CEP170B: variants seen among roughly 807,000 people sequenced by gnomAD.
CEP170B encodes the protein centrosomal protein 170B.
In CEP170B, 55 loss-of-function variants were observed where a neutral mutation model predicts 120.6. The ratio of observed to expected loss-of-function variants is 0.46; its 90% confidence interval spans 0.37 to 0.57. The LOEUF (loss-of-function observed/expected upper bound fraction) is 0.57. CEP170B is among the 20% of genes least tolerant of loss of function. CEP170B has a pLI of 0.00. For missense variants in CEP170B, 2,212 were observed against 2,253.3 expected (o/e 0.98, Z 0.37); for synonymous variants, 1,033 against 954.5 (o/e 1.08, Z -1.52).
intron 13 of CEP170B, 74 bp downstream of exon 13, chr14:104,889,832 G>A: frequency 2.0e-6 from 3 of 1,504,468 alleles, no homozygotes; most frequent in Non-Finnish European, 2.7e-6. Flanking sequence ...TGAGGGCAGG[G>A]ACCAGGCTGG....
At chr14:104,882,160 C>G (rs1386255449) in intron 6 of CEP170B, among the ~76,000 whole-genome samples, 1 of 152,162 alleles carries the variant, frequency 6.6e-6, no homozygotes, top group African/African-American at 2.4e-5. Context: ...GAGTGAGATT[C>G]TATCTGAAAT....
Position 104,895,120 on chromosome 14 carries a change from TC to T in CEP170B, c.*165del. On this transcript the variant is annotated 3_prime_UTR_variant, in exon 19 of 19. Coordinates refer to ENST00000414716, the MANE Select transcript of CEP170B (RefSeq NM_001112726.3). ...CCCACGCCCTTGCCCCCTCGTCAGC[TC>T]CCAGCCAGCACCCTACTCACCCTGT... The T allele has an allele frequency of 1.3e-6, 1 of 762,308 alleles. No individual in the cohort carries two copies. Among genetic ancestry groups the T allele is most frequent in the Non-Finnish European group, 2.0e-6 (1 of 497,830 alleles). The allele number at this position is 762,308 out of a possible 1,614,324, so 47.2% of individuals were successfully genotyped here.
chr14:104,890,771 GGATGAGTGGGTA>G, intron 13 of CEP170B, among the ~76,000 whole-genome samples: 1 of 138,796 alleles, frequency 7.2e-6, no homozygotes, highest in African/African-American at 2.7e-5. Context: ...GTGGATGGAT[GGATGAGTGGGTA>G]GATGGATGGA....
chr14:104,892,792 G>A (rs1404657424), intron 13 of CEP170B, among the ~76,000 whole-genome samples, 184 bp from the exon 14 acceptor site: 2 of 152,254 alleles, frequency 1.3e-5, no homozygotes, highest in East Asian at 1.9e-4. Flanking sequence ...CTTTGGGGCC[G>A]TGGCCAGTGC....
intron 2 of CEP170B, 100 bp from the exon 3 acceptor site, chr14:104,876,156 G>T: frequency 7.3e-6 from 8 of 1,092,154 alleles, no homozygotes; most frequent in Non-Finnish European, 1.1e-5. Context: ...GGCCACTGCT[G>T]GTGTTGTGCT....
chr14:104,864,824 G>A (rs895741788), upstream of CEP170B, among the ~76,000 whole-genome samples: 6 of 152,188 alleles, frequency 3.9e-5, no homozygotes, highest in Non-Finnish European at 7.3e-5. The surrounding 1 kb of genome is among the most constrained non-coding windows in gnomAD (Gnocchi z 5.9). Context: ...GCCAAAGGTT[G>A]GGGACTCGAG....
chr14:104,881,515 C>T (rs1896155715), intron 6 of CEP170B, among the ~76,000 whole-genome samples: 1 of 152,198 alleles, frequency 6.6e-6, no homozygotes, highest in South Asian at 2.1e-4. Flanking sequence ...GAATGGAAGA[C>T]CGCTGGGGAC....
chr14:104,887,768 G>T lies in CEP170B; in HGVS notation c.3529G>T (p.Ala1177Ser). The T allele has an allele frequency of 1.3e-6, 2 of 1,580,300 alleles. No individual in the cohort carries two copies. Among genetic ancestry groups the T allele is most frequent in the Non-Finnish European group, 8.6e-7 (1 of 1,164,700 alleles). Reference sequence around the variant, plus strand: ...CATCCTGGCCATGCCCCGGAAGCGGGCCGGCTCCTTCACAGGGACTAGTGA... The same window carrying T: ...CATCCTGGCCATGCCCCGGAAGCGGTCCGGCTCCTTCACAGGGACTAGTGA... The part of the protein sequence containing the change: ...LDILAMPRKR[A>S]GSFTGTSDPE... Residue 1177 changes from alanine (A) to serine (S), a missense_variant, in exon 12 of 19, where the codon GCC becomes TCC. By Grantham distance (99) the Ala-to-Ser change is moderately conservative (BLOSUM62 1). Coordinates refer to ENST00000414716, the MANE Select transcript of CEP170B (RefSeq NM_001112726.3).
chr14:104,882,681 C>G, intron 6 of CEP170B, 47 bp from the exon 7 acceptor site: 1 of 1,511,106 alleles, frequency 6.6e-7, no homozygotes, highest in Non-Finnish European at 9.0e-7. Flanking sequence ...GCTTTTCACA[C>G]TGGGGGCCCC....
At chr14:104,884,587 C>CG (rs34579990) in intron 9 of CEP170B, 38 bp downstream of exon 9, 30 of 1,404,106 alleles carry the variant, frequency 2.1e-5, no homozygotes, top group South Asian at 4.0e-5. Flanking sequence ...TCGTGGGGAA[C>CG]GGGGGGGTGG....
Position 104,878,747 on chromosome 14 carries a change from G to A in CEP170B, c.333+246G>A, listed in dbSNP as rs555930502. Among the ~76,000 whole-genome samples the A allele has an allele frequency of 2.1e-5, 3 of 144,530 alleles. No individual in the cohort carries two copies. Among genetic ancestry groups the A allele is most frequent in the Admixed American group, 6.9e-5 (1 of 14,442 alleles). 94.8% of individuals were successfully genotyped at this position (144,530 alleles called of 152,430 possible). A position where few individuals can be genotyped will look rare whatever the true frequency, so the allele number is the denominator to read the frequency against. On this transcript the variant is annotated intron_variant, in intron 5 of 18. Transcript: ENST00000414716. ...ACAGGTGGCGGGGGCACCGGGACGC[G>A]GGTGCCACTGTTGTGGATGCAGCAG...
rs201713998 is a variant in CEP170B at position 104,884,075 on chromosome 14, C to T, written c.1296C>T (p.Ala432=). ...ACAGCCCGTCCGGGGACCCCAAGGC[C>T]GACAAGCGCCGTGGCCCAACGCCGG... ...FTHSPSGDPK[A]DKRRGPTPAD... Residue 432 remains alanine (A), a synonymous_variant, in exon 9 of 19, where the codon GCC becomes GCT. Coordinates refer to ENST00000414716, the MANE Select transcript of CEP170B (RefSeq NM_001112726.3). The T allele has an allele frequency of 6.2e-4, 991 of 1,601,950 alleles. 8 individuals are homozygous for T. In the African/African-American group the frequency reaches 0.011, roughly 18 times the overall value.
At chr14:104,889,523 C>T (rs1013367054) in intron 12 of CEP170B, 97 bp from the exon 13 acceptor site, 19 of 1,584,058 alleles carry the variant, frequency 1.2e-5, no homozygotes, top group East Asian at 2.3e-5. Context: ...AGACACGAGG[C>T]GCCGGCAGCA....
intron 9 of CEP170B, among the ~76,000 whole-genome samples, chr14:104,885,097 G>C (rs991999130): frequency 2.6e-5 from 4 of 151,922 alleles, no homozygotes; most frequent in African/African-American, 9.7e-5. Context: ...ACGTTGTCCT[G>C]CTCCGGCCCA....
At chr14:104,884,592 G>GAGTGGAGGCGATGCC (rs1566864574) in intron 9 of CEP170B, 43 bp downstream of exon 9, 1 of 1,512,640 alleles carries the variant, frequency 6.6e-7, no homozygotes, top group Admixed American at 2.0e-5. Flanking sequence ...GGGAACGGGG[G>GAGTGGAGGCGATGCC]GGTGGAGGCG....
rs545801811 is a variant in CEP170B at position 104,876,485 on chromosome 14, C to T, written c.195+140C>T. The T allele has an allele frequency of 1.5e-4, 112 of 734,846 alleles. 1 individual carries two copies. The East Asian group carries it at 2.9e-3, about 19-fold the overall frequency. 45.5% of individuals were successfully genotyped at this position (734,846 alleles called of 1,614,324 possible). A position where few individuals can be genotyped will look rare whatever the true frequency, so the allele number is the denominator to read the frequency against. On this transcript the variant is annotated intron_variant, in intron 3 of 18. Coordinates refer to ENST00000414716, the MANE Select transcript of CEP170B (RefSeq NM_001112726.3). ...CCCTCCCTCTCAGTTCTGCCTCCTC[C>T]CCCAGCCATAGCCCCTCCTTCTCAG...
chr14:104,879,104 G>T (rs913997954), intron 5 of CEP170B, among the ~76,000 whole-genome samples: 2 of 152,128 alleles, frequency 1.3e-5, no homozygotes, highest in African/African-American at 4.8e-5. Context: ...TCTCATAAGG[G>T]GCTTTAGATT....
At chr14:104,879,115 C>A (rs1037205243) in intron 5 of CEP170B, among the ~76,000 whole-genome samples, 1 of 152,152 alleles carries the variant, frequency 6.6e-6, no homozygotes, top group Non-Finnish European at 1.5e-5. Flanking sequence ...GCTTTAGATT[C>A]TCTGACATTA....
chr14:104,894,628 C>A (rs769766063), intron 18 of CEP170B, 40 bp downstream of exon 18: 2 of 1,601,618 alleles, frequency 1.2e-6, no homozygotes, highest in Non-Finnish European at 1.7e-6. Context: ...GGGAGGCTGG[C>A]AGGGCCTTGT....
Sources: gnomAD v4.1 joint callset for allele counts (sites outside exome capture counted in the v4.1 genomes callset) on GRCh38, gnomAD v4.1.1 for gene constraint, Gnocchi (gnomAD v3.1) non-coding constraint, MANE v1.5 for transcripts, NCBI Gene and HGNC (gene_info 2026-07-23, HGNC 2026-07-21) for gene names.